IL1RAPL2: variants seen among roughly 807,000 people sequenced by gnomAD.
IL1RAPL2 encodes the protein interleukin 1 receptor accessory protein like 2.
IL1RAPL2 carries 3 observed loss-of-function variants against 44.1 expected under a neutral mutation model. That is an observed-to-expected ratio of 0.07 (90% confidence interval 0.03 to 0.18). The LOEUF (loss-of-function observed/expected upper bound fraction) is 0.18, where lower values mean the gene tolerates loss of function less well. IL1RAPL2 is among the 10% of genes least tolerant of loss of function. The pLI is 1.00. For missense variants in IL1RAPL2, 391 were observed against 496.4 expected, an observed-to-expected ratio of 0.79 and a Z score of 2.02; for synonymous variants, 181 against 178.8, an observed-to-expected ratio of 1.01 and a Z score of -0.10.
chrX:104,587,609 C>T (rs1442974651), intron 1 of IL1RAPL2, among the ~76,000 whole-genome samples: 1 of 112,323 alleles, frequency 8.9e-6, no homozygotes, highest in Non-Finnish European at 1.9e-5. Flanking sequence ...AGACTGCTGA[C>T]ATATTGTTGG....
chrX:104,603,747 G>A (rs1181230484), intron 1 of IL1RAPL2, among the ~76,000 whole-genome samples: 1 of 111,494 alleles, frequency 9.0e-6, no homozygotes, highest in East Asian at 2.8e-4. Flanking sequence ...AAAAGACAAG[G>A]TTAGAGAAAA....
chrX:105,355,510 C>G (rs1429065961), intron 5 of IL1RAPL2, among the ~76,000 whole-genome samples: 3 of 111,348 alleles, frequency 2.7e-5, no homozygotes, highest in Non-Finnish European at 5.6e-5. Context: ...TACCATAGCA[C>G]TCACCACATT....
intron 2 of IL1RAPL2, among the ~76,000 whole-genome samples, chrX:104,833,680 C>A (rs1343890292): frequency 9.0e-6 from 1 of 110,990 alleles, no homozygotes; most frequent in African/African-American, 3.3e-5. Flanking sequence ...TGGTTGAGGA[C>A]AATTCAGGGA....
chrX:104,604,633 C>CAAAAAAAAAA (rs36050333), intron 1 of IL1RAPL2, among the ~76,000 whole-genome samples: 3 of 31,096 alleles, frequency 9.6e-5, no homozygotes, highest in Non-Finnish European at 1.7e-4. Flanking sequence ...AAATGCATAG[C>CAAAAAAAAAA]AAAAAAAAAA....
intron 6 of IL1RAPL2, among the ~76,000 whole-genome samples, chrX:105,661,104 C>T (rs796486489): frequency 9.0e-6 from 1 of 110,897 alleles, no homozygotes; most frequent in South Asian, 3.7e-4. Context: ...ATATTTCATG[C>T]CAATGGAAAA....
intron 5 of IL1RAPL2, among the ~76,000 whole-genome samples, chrX:105,318,249 A>G (rs1421518969): frequency 9.0e-6 from 1 of 111,709 alleles, no homozygotes; most frequent in African/African-American, 3.3e-5. Context: ...GTGGGATTAC[A>G]GGCGTGAGCC....
intron 5 of IL1RAPL2, among the ~76,000 whole-genome samples, chrX:105,367,967 GT>G (rs200879379): frequency 9.1e-6 from 1 of 109,686 alleles, no homozygotes; most frequent in Non-Finnish European, 1.9e-5. Context: ...GTCTGAGAAA[GT>G]TTTTTTTTAA....
chrX:104,614,960 T>TG (rs1393488828), intron 1 of IL1RAPL2, among the ~76,000 whole-genome samples: 3 of 111,482 alleles, frequency 2.7e-5, no homozygotes, highest in Non-Finnish European at 5.7e-5. Context: ...GCCTTTTAGA[T>TG]GGGGCATTTA....
At chrX:104,688,652 C>A (rs1269575773) in intron 2 of IL1RAPL2, among the ~76,000 whole-genome samples, 1 of 111,648 alleles carries the variant, frequency 9.0e-6, no homozygotes, top group East Asian at 2.8e-4. Context: ...ATAACCTCTT[C>A]CTACTAAGAT....
At chrX:104,826,080 G>A (rs1921442182) in intron 2 of IL1RAPL2, among the ~76,000 whole-genome samples, 1 of 111,980 alleles carries the variant, frequency 8.9e-6, no homozygotes, top group Non-Finnish European at 1.9e-5. Context: ...TGAGGAAAAT[G>A]TCTTTGGAAT....
chrX:105,639,341 G>A (rs980152730), intron 6 of IL1RAPL2, among the ~76,000 whole-genome samples: 25 of 111,595 alleles, frequency 2.2e-4, no homozygotes, highest in Non-Finnish European at 4.1e-4. Flanking sequence ...GACACAACCT[G>A]CTATAACTCT....
rs755013837 is a variant in IL1RAPL2, at chrX:105,484,326, C to A, written c.711C>A (p.Asp237Glu). 33 of 1,199,882 alleles carry A rather than the reference C, an allele frequency of 2.8e-5. No homozygotes were observed. The African/African-American group carries it at 5.3e-4, about 19-fold the overall frequency. The stretch of plus-strand genomic sequence containing the variant: ...TTTCTCTTCTAGCTTTACTCACAGA[C>A]AAGCCTCCCAAGCCATTGTTCCCCA... ...TELKVTALLT[D>E]KPPKPLFPME... The change falls in exon 6 of 11, where the codon GAC (aspartate) becomes GAA (glutamate). Residue 237 changes from aspartate to glutamate, a missense_variant. By Grantham distance (45) the Asp-to-Glu change is conservative. Coordinates refer to ENST00000372582, the MANE Select transcript of IL1RAPL2 (RefSeq NM_017416.2).
intron 6 of IL1RAPL2, among the ~76,000 whole-genome samples, chrX:105,569,193 C>A (rs1385697631): frequency 9.0e-6 from 1 of 111,352 alleles, no homozygotes; most frequent in Non-Finnish European, 1.9e-5. Context: ...AAACCATTAC[C>A]TTTTATTTAA....
intron 6 of IL1RAPL2, among the ~76,000 whole-genome samples, chrX:105,622,796 C>A (rs2037429098): frequency 9.0e-6 from 1 of 111,464 alleles, no homozygotes. Context: ...TTGGGTAAAT[C>A]TAATCCTTTT....
intron 2 of IL1RAPL2, among the ~76,000 whole-genome samples, chrX:104,860,008 A>G (rs1922454119): frequency 8.9e-6 from 1 of 112,067 alleles, no homozygotes; most frequent in Non-Finnish European, 1.9e-5. Context: ...CTCTAACTAA[A>G]TTTCAGATTT....
chrX:105,335,134 T>A (rs189248596), intron 5 of IL1RAPL2, among the ~76,000 whole-genome samples: 2 of 110,805 alleles, frequency 1.8e-5, no homozygotes. Flanking sequence ...TTCCAAGGAC[T>A]TCTATGTGGC....
chrX:105,440,581 A>T (rs2035913358), intron 5 of IL1RAPL2, among the ~76,000 whole-genome samples: 1 of 112,178 alleles, frequency 8.9e-6, no homozygotes, highest in African/African-American at 3.2e-5. Flanking sequence ...ACAGTAACTT[A>T]AGTGGTTTGT....
intron 6 of IL1RAPL2, among the ~76,000 whole-genome samples, chrX:105,689,058 A>G (rs1309251012): frequency 8.9e-6 from 1 of 112,037 alleles, no homozygotes; most frequent in Non-Finnish European, 1.9e-5. Flanking sequence ...CTTAAACCTT[A>G]TACAAAAATT....
At chrX:104,914,849 AATG>A (rs1924364453) in intron 2 of IL1RAPL2, among the ~76,000 whole-genome samples, 1 of 110,952 alleles carries the variant, frequency 9.0e-6, no homozygotes, top group African/African-American at 3.3e-5. Context: ...GTTAACTGAG[AATG>A]ATGATTTCCA....
Sources: gnomAD v4.1 joint callset for allele counts (sites outside exome capture counted in the v4.1 genomes callset) on GRCh38, gnomAD v4.1.1 for gene constraint, MANE v1.5 for transcripts, NCBI Gene and HGNC (gene_info 2026-07-23, HGNC 2026-07-21) for gene names.